MGMT: variants seen among roughly 807,000 people sequenced by gnomAD.
The protein encoded by MGMT is methylated-DNA--protein-cysteine methyltransferase.
MGMT carries 14 observed loss-of-function variants against 15.9 expected under a neutral mutation model. The observed-to-expected ratio is 0.88, with a 90% CI of 0.58 to 1.37. The LOEUF (loss-of-function observed/expected upper bound fraction) is 1.37. MGMT is among the 40% of genes most tolerant of loss of function. MGMT has a pLI of 0.00. For missense variants in MGMT, 282 were observed against 268.1 expected, an observed-to-expected ratio of 1.05 and a Z score of -0.36; for synonymous variants, 130 against 118.2, an observed-to-expected ratio of 1.10 and a Z score of -0.65.
intron 1 of MGMT, among the ~76,000 whole-genome samples, chr10:129,484,647 T>C (rs34830920): frequency 0.1 from 15,701 of 152,104 alleles, 987 homozygotes; most frequent in Non-Finnish European, 0.13. Context: ...CTGCTTCTCA[T>C]GTGTGTGTGT....
intron 2 of MGMT, among the ~76,000 whole-genome samples, chr10:129,682,172 C>T (rs898101298): frequency 1.3e-5 from 2 of 152,074 alleles, no homozygotes; most frequent in African/African-American, 4.8e-5. Flanking sequence ...AAACTTATGT[C>T]CACACAAAAA....
intron 2 of MGMT, among the ~76,000 whole-genome samples, chr10:129,647,334 G>C (rs1019999117): frequency 1.3e-5 from 2 of 152,136 alleles, no homozygotes; most frequent in African/African-American, 4.8e-5. Flanking sequence ...TTTACCACGG[G>C]AGATCAAGAA....
At chr10:129,740,038 C>T (rs1848612614) in intron 3 of MGMT, among the ~76,000 whole-genome samples, 1 of 152,212 alleles carries the variant, frequency 6.6e-6, no homozygotes. Context: ...TTTTAATCAA[C>T]AGTCATTAAA....
At chr10:129,519,403 G>A (rs771610950) in intron 1 of MGMT, among the ~76,000 whole-genome samples, 2 of 152,222 alleles carry the variant, frequency 1.3e-5, no homozygotes, top group Non-Finnish European at 2.9e-5. Context: ...TGGGTATAAT[G>A]TAACTAATTT....
At chr10:129,485,174 A>G (rs747571219) in intron 1 of MGMT, among the ~76,000 whole-genome samples, 6 of 152,126 alleles carry the variant, frequency 3.9e-5, no homozygotes, top group Non-Finnish European at 8.8e-5. Context: ...CTTCTCAAGC[A>G]GTGTCTCAGT....
At chr10:129,688,151 A>ACGTGTG (rs1334477666) in intron 2 of MGMT, among the ~76,000 whole-genome samples, 2 of 152,294 alleles carry the variant, frequency 1.3e-5, no homozygotes, top group East Asian at 3.9e-4. Flanking sequence ...CAGTAAACAT[A>ACGTGTG]CGTGTGCATG....
At chr10:129,521,291 CT>C (rs974030258) in intron 1 of MGMT, among the ~76,000 whole-genome samples, 2 of 152,182 alleles carry the variant, frequency 1.3e-5, no homozygotes, top group Non-Finnish European at 1.5e-5. Context: ...GTGTGTCCCC[CT>C]GTTGCCCGGG....
intron 2 of MGMT, among the ~76,000 whole-genome samples, chr10:129,547,873 GAGA>G (rs1292751752): frequency 6.6e-6 from 1 of 152,226 alleles, no homozygotes; most frequent in African/African-American, 2.4e-5. Context: ...GGTGGGGCTG[GAGA>G]AGGACTGGGC....
At chr10:129,623,042 C>T (rs1589899037) in intron 2 of MGMT, among the ~76,000 whole-genome samples, 2 of 152,338 alleles carry the variant, frequency 1.3e-5, no homozygotes, top group East Asian at 3.9e-4. Flanking sequence ...AGCCGGATGG[C>T]ATCGTCCTTA....
chr10:129,722,706 G>A (rs1313817477), intron 3 of MGMT, among the ~76,000 whole-genome samples: 1 of 152,154 alleles, frequency 6.6e-6, no homozygotes, highest in African/African-American at 2.4e-5. Flanking sequence ...AGATCAATGA[G>A]GAAAGTAAAG....
chr10:129,520,536 G>GCAGAGCCCC (rs1845793372), intron 1 of MGMT, among the ~76,000 whole-genome samples: 1 of 90,380 alleles, frequency 1.1e-5, no homozygotes, highest in African/African-American at 6.6e-5. Flanking sequence ...TACAGTGCAT[G>GCAGAGCCCC]TACAGAGCCC....
At chr10:129,525,430 G>A (rs1310247994) in intron 1 of MGMT, among the ~76,000 whole-genome samples, 2 of 152,102 alleles carry the variant, frequency 1.3e-5, no homozygotes, top group Non-Finnish European at 2.9e-5. Context: ...CTTCACGTTG[G>A]TTTTATAATG....
rs574182396 is a variant in MGMT, at chr10:129,483,065, ATCTC to A, written c.-13+15773_-13+15776del. ...TGTCTACACTGTTGGCTTGTTAGCT[ATCTC>A]TCTTCTTTTTTAGTGGCTGCTTTAG... On this transcript the variant is annotated intron_variant, in intron 1 of 4. Coordinates refer to ENST00000651593, the MANE Select transcript of MGMT (RefSeq NM_002412.5). Among the ~76,000 whole-genome samples, 19 of 152,206 alleles carry A rather than the reference ATCTC, an allele frequency of 1.2e-4. No individual in the cohort carries two copies. In the South Asian group the frequency reaches 3.9e-3, roughly 32 times the overall value.
intron 2 of MGMT, among the ~76,000 whole-genome samples, chr10:129,661,093 T>C (rs1270872406): frequency 2.0e-5 from 3 of 152,208 alleles, no homozygotes; most frequent in Non-Finnish European, 4.4e-5. Flanking sequence ...GTATATTCTT[T>C]TGTGAGTAGG....
intron 2 of MGMT, among the ~76,000 whole-genome samples, chr10:129,540,078 G>T (rs1846028066): frequency 6.6e-6 from 1 of 152,212 alleles, no homozygotes; most frequent in African/African-American, 2.4e-5. Context: ...GTCCTCGGCA[G>T]CGTTGAGTGG....
intron 2 of MGMT, among the ~76,000 whole-genome samples, chr10:129,663,893 A>G (rs549251048): frequency 1.3e-5 from 2 of 152,330 alleles, no homozygotes; most frequent in East Asian, 3.9e-4. Context: ...TTTTGTGTAG[A>G]TGATTCTAAT....
intron 2 of MGMT, among the ~76,000 whole-genome samples, chr10:129,655,909 T>G (rs1847520274): frequency 6.6e-6 from 1 of 152,134 alleles, no homozygotes; most frequent in South Asian, 2.1e-4. Flanking sequence ...AGAACGTGGA[T>G]GAGAAGTTCC....
At chr10:129,701,170 T>G (rs1848094879) in intron 2 of MGMT, 1 of 152,234 alleles carries the variant, frequency 6.6e-6, no homozygotes, top group Non-Finnish European at 1.5e-5. Context: ...ATGGAAGCCT[T>G]GCGTCCAAGC....
At chr10:129,666,440 A>T (rs1437398871) in intron 2 of MGMT, among the ~76,000 whole-genome samples, 3 of 152,020 alleles carry the variant, frequency 2.0e-5, no homozygotes, top group African/African-American at 7.2e-5. Flanking sequence ...CACTTCTTTT[A>T]TGTCTTTCCA....
Sources: allele counts gnomAD v4.1 joint callset (sites outside exome capture counted in the v4.1 genomes callset), GRCh38; gene constraint gnomAD v4.1.1; transcripts MANE v1.5; gene names NCBI Gene and HGNC (gene_info 2026-07-23, HGNC 2026-07-21).